The following STYXL1 variants were observed in gnomAD, a reference collection of about 807,000 sequenced individuals.
The protein encoded by STYXL1 is serine/threonine/tyrosine interacting like 1.
A neutral mutation model predicts 36.4 loss-of-function variants in STYXL1; 32 were observed. The ratio of observed to expected loss-of-function variants is 0.88; its 90% CI spans 0.66 to 1.18. STYXL1 has a LOEUF of 1.18. STYXL1 is among the 50% of genes most tolerant of loss of function. STYXL1 has a pLI of 0.00. For missense variants in STYXL1, 354 were observed against 394.1 expected, an observed-to-expected ratio of 0.90 and a Z score of 0.86; for synonymous variants, 133 against 144.1, an observed-to-expected ratio of 0.92 and a Z score of 0.55.
At chr7:76,002,998 C>T (rs1554568307) in intron 7 of STYXL1, among the ~76,000 whole-genome samples, 1 of 152,186 alleles carries the variant, frequency 6.6e-6, no homozygotes, top group East Asian at 1.9e-4. Context: ...TGGCTCAGGC[C>T]AGGAGCTGTT....
At chr7:76,040,888 T>C (rs1554582043) in intron 1 of STYXL1, among the ~76,000 whole-genome samples, 3 of 151,050 alleles carry the variant, frequency 2.0e-5, no homozygotes, top group South Asian at 2.1e-4. Context: ...AAGCTATTTA[T>C]CTAAATATGG....
intron 4 of STYXL1, among the ~76,000 whole-genome samples, chr7:76,017,221 C>T (rs765502958): frequency 2.6e-4 from 39 of 151,980 alleles, no homozygotes; most frequent in Non-Finnish European, 5.0e-4. Context: ...CGGGGTTTCA[C>T]TATGTTAGCC....
intron 6 of STYXL1, among the ~76,000 whole-genome samples, chr7:76,004,584 A>T (rs1791416352): frequency 6.6e-6 from 1 of 152,180 alleles, no homozygotes; most frequent in Non-Finnish European, 1.5e-5. Context: ...ACACACCTTT[A>T]GTCCCAGCTA....
chr7:76,030,459 AGTTTT>A lies in STYXL1; in HGVS notation c.60_64del (p.Lys21LeufsTer21). 1 of 1,613,958 alleles carries A rather than the reference AGTTTT, an allele frequency of 6.2e-7. No homozygotes were observed. Among genetic ancestry groups the A allele is most frequent in the Non-Finnish European group, 8.5e-7 (1 of 1,179,870 alleles). ...ATAGTTGGGGTCTGTTAATCTGGAGAGTTTTGTGGCCTGATTCAGGATGTTGTAAA... is the reference window on the plus strand; with the variant it reads ...ATAGTTGGGGTCTGTTAATCTGGAGAGTGGCCTGATTCAGGATGTTGTAAA... On this transcript the variant is annotated frameshift_variant, in exon 2 of 9. Coordinates refer to ENST00000359697, the MANE Select transcript of STYXL1 (RefSeq NM_001317785.2). LOFTEE classifies it high-confidence loss of function.
intron 5 of STYXL1, among the ~76,000 whole-genome samples, chr7:76,010,873 AG>A (rs1284439576): frequency 1.3e-5 from 2 of 152,144 alleles, no homozygotes; most frequent in African/African-American, 4.8e-5. Flanking sequence ...AAACCGCCCT[AG>A]CTTCTACTAG....
chr7:76,005,812 AAGG>A (rs1270595143), intron 5 of STYXL1, among the ~76,000 whole-genome samples: 5 of 144,780 alleles, frequency 3.5e-5, no homozygotes, highest in Admixed American at 7.1e-5. Context: ...AGAGAGAGAG[AAGG>A]AGGAGGAGGA....
At chr7:76,021,785 G>A (rs1794104823) in intron 4 of STYXL1, 66 bp downstream of exon 4, 1 of 1,189,818 alleles carries the variant, frequency 8.4e-7, no homozygotes, top group Non-Finnish European at 1.2e-6. Flanking sequence ...TGAACCTGTT[G>A]GTCCTATAAC....
chr7:76,045,986 G>C (rs1796914278), intron 1 of STYXL1: 1 of 152,220 alleles, frequency 6.6e-6, no homozygotes, highest in Non-Finnish European at 1.5e-5. Flanking sequence ...GATGCAGTCA[G>C]TGATAAGATA....
chr7:76,005,174 A>G lies in STYXL1; in HGVS notation c.599+85T>C, dbSNP rs961104015. 9 of 884,146 alleles carry G rather than the reference A, an allele frequency of 1.0e-5. No individual in the cohort carries two copies. In the Admixed American group the frequency reaches 2.4e-4, roughly 24 times the overall value. 54.8% of individuals were successfully genotyped at this position (884,146 alleles called of 1,614,324 possible). A position where few individuals can be genotyped will look rare whatever the true frequency, so the allele number is the denominator to read the frequency against. On this transcript the variant is annotated intron_variant, in intron 6 of 8. Transcript: ENST00000359697. ...CTAAAACGTAAAGTGTAATAATAATAAAATTAAAAAAAATAAATAAAATAA... is the reference window on the plus strand; with the variant it reads ...CTAAAACGTAAAGTGTAATAATAATGAAATTAAAAAAAATAAATAAAATAA...
intron 3 of STYXL1, among the ~76,000 whole-genome samples, chr7:76,026,320 C>G (rs1794724313): frequency 6.9e-6 from 1 of 145,740 alleles, no homozygotes; most frequent in Non-Finnish European, 1.5e-5. Context: ...ACTTTTGAGA[C>G]AGGGTCTTGC....
chr7:76,006,383 G>A (rs1791769282), intron 5 of STYXL1, among the ~76,000 whole-genome samples: 1 of 152,068 alleles, frequency 6.6e-6, no homozygotes, highest in African/African-American at 2.4e-5. Context: ...GCCCAGAAAT[G>A]AAGCCAGTGT....
intron 4 of STYXL1, among the ~76,000 whole-genome samples, chr7:76,016,148 G>T (rs1475400224): frequency 2.0e-5 from 3 of 151,532 alleles, no homozygotes; most frequent in Non-Finnish European, 2.9e-5. Flanking sequence ...ATATGTACAT[G>T]TATAGATATA....
intron 5 of STYXL1, among the ~76,000 whole-genome samples, chr7:76,010,213 G>C (rs1451348999): frequency 1.3e-5 from 2 of 152,006 alleles, no homozygotes; most frequent in African/African-American, 4.8e-5. Context: ...CAGATTTGAG[G>C]CTGGAACATT....
intron 5 of STYXL1, among the ~76,000 whole-genome samples, chr7:76,011,881 C>A (rs1175264708): frequency 2.0e-5 from 3 of 152,262 alleles, no homozygotes; most frequent in Non-Finnish European, 4.4e-5. Context: ...CCCCTACAGA[C>A]AGGACCAGTC....
At chr7:76,046,311 T>C (rs1422245435) in intron 1 of STYXL1, among the ~76,000 whole-genome samples, 10 of 75,134 alleles carry the variant, frequency 1.3e-4, no homozygotes, top group African/African-American at 3.5e-4. Flanking sequence ...TGTGTGTGTG[T>C]GTGTGTGTGT....
chr7:76,009,462 A>G (rs543341466), intron 5 of STYXL1, among the ~76,000 whole-genome samples: 1 of 151,992 alleles, frequency 6.6e-6, no homozygotes, highest in Non-Finnish European at 1.5e-5. Context: ...CCCAGGCTGG[A>G]GTGCAGTGGT....
At chr7:76,015,376 A>C (rs1554573504) in intron 4 of STYXL1, among the ~76,000 whole-genome samples, 1 of 152,218 alleles carries the variant, frequency 6.6e-6, no homozygotes, top group Non-Finnish European at 1.5e-5. Context: ...AACTCAAGAT[A>C]GATTAAAGAC....
At chr7:76,000,746 C>T (rs1478471312) in intron 8 of STYXL1, 144 bp downstream of exon 8, 6 of 670,006 alleles carry the variant, frequency 9.0e-6, no homozygotes, top group African/African-American at 5.3e-5. Context: ...TTGGGTGACG[C>T]GGACTGGGGA....
chr7:76,006,799 AC>A (rs1554570554), intron 5 of STYXL1, among the ~76,000 whole-genome samples: 22 of 151,632 alleles, frequency 1.5e-4, no homozygotes, highest in Admixed American at 4.6e-4. Flanking sequence ...AACAACAACA[AC>A]AACAAAAAAC....
Sources: gnomAD v4.1 joint callset for allele counts (sites outside exome capture counted in the v4.1 genomes callset) on GRCh38, gnomAD v4.1.1 for gene constraint, MANE v1.5 for transcripts, NCBI Gene and HGNC (gene_info 2026-07-23, HGNC 2026-07-21) for gene names.